Variants in FGD4 observed in about 807,000 individuals in gnomAD.
FGD4 encodes FYVE, RhoGEF and PH domain-containing protein 4.
FGD4 carries 42 observed loss-of-function variants against 102.0 expected under a neutral mutation model. That is an observed-to-expected ratio of 0.41 (90% CI 0.32 to 0.53). FGD4 has a LOEUF of 0.53. FGD4 is among the 20% of genes least tolerant of loss of function. The pLI is 0.21. For missense variants in FGD4, 902 were observed against 1,078.2 expected, an observed-to-expected ratio of 0.84 and a Z score of 2.29; for synonymous variants, 380 against 375.7, an observed-to-expected ratio of 1.01 and a Z score of -0.13.
At chr12:32,479,014 C>T (rs1394756996) in intron 1 of FGD4, among the ~76,000 whole-genome samples, 3 of 152,170 alleles carry the variant, frequency 2.0e-5, no homozygotes, top group African/African-American at 7.2e-5. Flanking sequence ...CTTATAACTC[C>T]GTTTGCTTTG....
chr12:32,481,217 T>C (rs1032561171), intron 1 of FGD4, among the ~76,000 whole-genome samples: 1 of 141,946 alleles, frequency 7.0e-6, no homozygotes, highest in Non-Finnish European at 1.5e-5. Context: ...TGCGGTTGGA[T>C]CATGAGGTCA....
intron 16 of FGD4, among the ~76,000 whole-genome samples, chr12:32,639,081 C>T (rs1592511061): frequency 6.6e-6 from 1 of 152,214 alleles, no homozygotes; most frequent in East Asian, 1.9e-4. Flanking sequence ...GAAGGGGAAG[C>T]AAACGGGAGA....
intron 3 of FGD4, among the ~76,000 whole-genome samples, chr12:32,579,850 A>G (rs1282127945): frequency 2.6e-5 from 4 of 152,024 alleles, no homozygotes; most frequent in Admixed American, 6.5e-5. Flanking sequence ...CTTTACCTGT[A>G]TCTTTTTTCC....
chr12:32,406,356 C>T lies in FGD4; in HGVS notation c.166+6397C>T, dbSNP rs182602883. Among the ~76,000 whole-genome samples, 185 of 151,876 alleles carry T rather than the reference C, an allele frequency of 1.2e-3. 2 individuals are homozygous for T. The highest frequency in any genetic ancestry group is 4.2e-3 in the African/African-American group (176 of 41,458). On this transcript the variant is annotated intron_variant, in intron 1 of 16. Coordinates refer to ENST00000534526, the MANE Select transcript of FGD4 (RefSeq NM_001370298.3). ...ATCACTTGAGGTCAGGAGTTTGAGACCAGCCTGGCCAACATGGTGAAACCC... is the reference window on the plus strand; with the variant it reads ...ATCACTTGAGGTCAGGAGTTTGAGATCAGCCTGGCCAACATGGTGAAACCC...
At chr12:32,626,936 C>T (rs1950210405) in intron 14 of FGD4, among the ~76,000 whole-genome samples, 1 of 152,058 alleles carries the variant, frequency 6.6e-6, no homozygotes, top group African/African-American at 2.4e-5. Flanking sequence ...CAACCTCCGC[C>T]TCCCGGGTTC....
At chr12:32,614,905 C>A (rs1465487210) in intron 10 of FGD4, among the ~76,000 whole-genome samples, 2 of 152,100 alleles carry the variant, frequency 1.3e-5, no homozygotes, top group African/African-American at 2.4e-5. Flanking sequence ...TTTTAAAAGT[C>A]TTTTTGTGTC....
intron 11 of FGD4, among the ~76,000 whole-genome samples, chr12:32,621,889 C>CTT (rs11362941): frequency 6.9e-6 from 1 of 144,404 alleles, no homozygotes; most frequent in Non-Finnish European, 1.5e-5. Flanking sequence ...ACAGGGAACA[C>CTT]TTTTTTTTTT....
intron 1 of FGD4, among the ~76,000 whole-genome samples, chr12:32,451,309 T>C (rs1942767988): frequency 6.6e-6 from 1 of 152,210 alleles, no homozygotes; most frequent in Admixed American, 6.5e-5. Flanking sequence ...ATAAATGTTA[T>C]ATGTAGTACT....
intron 5 of FGD4, chr12:32,600,369 G>A (rs1255294162): frequency 1.1e-6 from 1 of 895,242 alleles, no homozygotes; most frequent in East Asian, 6.2e-5. Context: ...AACTATTGGA[G>A]CCTCTAAGGA....
At chr12:32,535,017 A>G (rs1292199954) in intron 1 of FGD4, among the ~76,000 whole-genome samples, 1 of 152,158 alleles carries the variant, frequency 6.6e-6, no homozygotes, top group Non-Finnish European at 1.5e-5. Flanking sequence ...GATAGGCATG[A>G]GTTTGTTTTT....
In FGD4 at chr12:32,625,051, A is replaced by G. The variant is rs1230547567; in HGVS notation, c.2029A>G (p.Ile677Val). The G allele has an allele frequency of 1.6e-5, 26 of 1,612,728 alleles. No individual in the cohort carries two copies. In the Admixed American group the frequency reaches 4.0e-4, roughly 25 times the overall value. The change falls in exon 13 of 17, where the codon ATT (isoleucine) becomes GTT (valine). Residue 677 changes from isoleucine to valine, a missense_variant. Coordinates refer to ENST00000534526, the MANE Select transcript of FGD4 (RefSeq NM_001370298.3). ...AAATGCAATTGCAAAGGATAATGACATTCACTCAGAGGTTTCTGTGAGTTG... is the reference window on the plus strand; with the variant it reads ...AAATGCAATTGCAAAGGATAATGACGTTCACTCAGAGGTTTCTGTGAGTTG... ...FRNAIAKDND[I>V]HSEVSTAELG...
chr12:32,602,322 T>C lies in FGD4; in HGVS notation c.1404+5T>C, dbSNP rs373712001. 44 of 1,614,022 alleles carry C rather than the reference T, an allele frequency of 2.7e-5. 2 individuals are homozygous for C. Among genetic ancestry groups the C allele is most frequent in the East Asian group, 8.9e-5 (4 of 44,828 alleles). The stretch of plus-strand genomic sequence containing the variant: ...TCAGTGGTTGAAGAAATTCAGGTAA[T>C]AGGACTGTTTTGTTCAAAGCTATGA... On this transcript the variant is annotated splice_donor_5th_base_variant and intron_variant, in intron 7 of 16. Transcript: ENST00000534526.
intron 7 of FGD4, among the ~76,000 whole-genome samples, chr12:32,603,997 A>G (rs1032834464): frequency 1.4e-4 from 21 of 152,034 alleles, no homozygotes; most frequent in Admixed American, 2.0e-4. Context: ...GTATATGGAG[A>G]TCCCCCCCAG....
intron 1 of FGD4, among the ~76,000 whole-genome samples, chr12:32,407,335 G>A (rs2632337): frequency 0.55 from 83,200 of 150,622 alleles, 24,014 homozygotes; most frequent in African/African-American, 0.74. Context: ...CATGTTGGCT[G>A]GGCTGGTCTT....
chr12:32,547,564 A>T (rs1038096887), intron 1 of FGD4, among the ~76,000 whole-genome samples: 1 of 152,274 alleles, frequency 6.6e-6, no homozygotes. Flanking sequence ...GAAATAATGC[A>T]TATAAGGTGC....
At chr12:32,466,737 G>T (rs1241007431) in intron 1 of FGD4, among the ~76,000 whole-genome samples, 4 of 151,650 alleles carry the variant, frequency 2.6e-5, no homozygotes, top group Non-Finnish European at 5.9e-5. Context: ...GCGTGGTGGC[G>T]CATGCTTGTA....
intron 2 of FGD4, among the ~76,000 whole-genome samples, chr12:32,569,915 A>T (rs1945500531): frequency 6.6e-6 from 1 of 152,168 alleles, no homozygotes; most frequent in Admixed American, 6.5e-5. Context: ...ACATTGCTTC[A>T]TATCTTCACT....
At position 32,636,524 on chromosome 12, in the gene FGD4, A is replaced by G. The variant is rs186989819; in HGVS notation, c.2314-2131A>G. On this transcript the variant is annotated intron_variant, in intron 15 of 16. Coordinates refer to ENST00000534526, the MANE Select transcript of FGD4 (RefSeq NM_001370298.3). Reference sequence around the variant, plus strand: ...CTCCAGCCTGGGCAACAAGAGCTAAACTCCGTCTCAAAAAAAAAAAAAAAT... The same window carrying G: ...CTCCAGCCTGGGCAACAAGAGCTAAGCTCCGTCTCAAAAAAAAAAAAAAAT... Among the ~76,000 whole-genome samples the G allele has an allele frequency of 1.4e-3, 214 of 150,002 alleles. 3 individuals carry two copies. Among genetic ancestry groups the G allele is most frequent in the African/African-American group, 5.1e-3 (209 of 40,642 alleles).
intron 1 of FGD4, among the ~76,000 whole-genome samples, chr12:32,446,585 G>GAA (rs1212733307): frequency 1.3e-4 from 20 of 152,276 alleles, no homozygotes; most frequent in South Asian, 1.0e-3. Context: ...CTACATCAGG[G>GAA]AAAGGTCAGT....
Sources: allele counts gnomAD v4.1 joint callset (sites outside exome capture counted in the v4.1 genomes callset), GRCh38; gene constraint gnomAD v4.1.1; transcripts MANE v1.5; gene names NCBI Gene and HGNC (gene_info 2026-07-23, HGNC 2026-07-21).